NCKAP5L: variants seen among roughly 807,000 people sequenced by gnomAD.
NCKAP5L encodes NCK associated protein 5 like, also known as nck-associated protein 5-like.
NCKAP5L carries 54 observed loss-of-function variants against 103.2 expected under a neutral mutation model. That is an observed-to-expected ratio of 0.52 (90% confidence interval 0.42 to 0.66). The LOEUF (loss-of-function observed/expected upper bound fraction) is 0.66. NCKAP5L is among the 30% of genes least tolerant of loss of function. NCKAP5L has a pLI of 0.00. For missense variants in NCKAP5L, 1,733 were observed against 1,750.6 expected, an observed-to-expected ratio of 0.99 and a Z score of 0.18; for synonymous variants, 762 against 748.6, an observed-to-expected ratio of 1.02 and a Z score of -0.29.
At chr12:49,812,040 C>CT (rs1946245692) in intron 1 of NCKAP5L, among the ~76,000 whole-genome samples, 1 of 152,098 alleles carries the variant, frequency 6.6e-6, no homozygotes, top group African/African-American at 2.4e-5. Context: ...TTTTTTTAAG[C>CT]TTTGAGACAG....
intron 1 of NCKAP5L, among the ~76,000 whole-genome samples, chr12:49,806,266 A>C (rs1946178818): frequency 6.6e-6 from 1 of 152,178 alleles, no homozygotes; most frequent in Admixed American, 6.5e-5. Flanking sequence ...TGGAATGGGA[A>C]AGCATTTGGG....
Position 49,795,748 on chromosome 12 carries a change from A to G in NCKAP5L, c.2112T>C (p.Ser704=). The stretch of plus-strand genomic sequence containing the variant: ...GGATGGAGGGCACCATGTCTCCAGC[A>G]CTCTCCCCTGACTTCCCAGGTCCCC... The part of the protein sequence containing the change: ...KTRGPGKSGE[S]AGDMVPSIHR... Residue 704 remains serine (S), a synonymous_variant, in exon 8 of 13, where the codon AGT becomes AGC. Transcript: ENST00000335999. 6.3e-7 allele frequency: 1 copy of G among 1,597,986 alleles called. No homozygotes were observed. The highest frequency in any genetic ancestry group is 8.5e-7 in the Non-Finnish European group (1 of 1,173,050).
intron 10 of NCKAP5L, 96 bp from the exon 11 acceptor site, chr12:49,793,082 T>G (rs1034772016): frequency 1.3e-4 from 141 of 1,045,142 alleles, no homozygotes; most frequent in Non-Finnish European, 1.8e-4. Flanking sequence ...CCACCCTTAC[T>G]CAGGGCCCCT....
chr12:49,802,917 C>T, intron 5 of NCKAP5L, 41 bp downstream of exon 5: 1 of 1,594,892 alleles, frequency 6.3e-7, no homozygotes, highest in Admixed American at 1.7e-5. Flanking sequence ...GTCTCATCTG[C>T]TGTGCCCAGG....
At chr12:49,794,721 C>T in intron 8 of NCKAP5L, 44 bp downstream of exon 8, 1 of 1,402,024 alleles carries the variant, frequency 7.1e-7, no homozygotes. Flanking sequence ...GGGAAAAGTG[C>T]CCCAAGCCCA....
rs560921188 is a variant in NCKAP5L at position 49,808,007 on chromosome 12, T to C, written c.-98-1966A>G. Among the ~76,000 whole-genome samples, 7 of 152,328 alleles carry C rather than the reference T, an allele frequency of 4.6e-5. No homozygotes were observed. The South Asian group carries it at 1.5e-3, about 32-fold the overall frequency. On this transcript the variant is annotated intron_variant, in intron 1 of 12. Transcript: ENST00000335999. ...ACAAGAAAGCAACAACGAAACAATG[T>C]AGAGTATCTTTTCCCAAAATAATAA...
At chr12:49,810,432 C>T (rs1430914558) in intron 1 of NCKAP5L, among the ~76,000 whole-genome samples, 1 of 152,194 alleles carries the variant, frequency 6.6e-6, no homozygotes, top group Non-Finnish European at 1.5e-5. Flanking sequence ...CATTCCGTCT[C>T]CCCGAGATGA....
rs148660958 is a variant in NCKAP5L, at chr12:49,825,811, A to G, written c.-99+2511T>C. 2.8e-3 allele frequency among the ~76,000 whole-genome samples: 426 copies of G among 152,302 alleles called. 3 individuals are homozygous for G. Among genetic ancestry groups the G allele is most frequent in the Admixed American group, 5.9e-3 (90 of 15,310 alleles). On this transcript the variant is annotated intron_variant, in intron 1 of 12. Coordinates refer to ENST00000335999, the MANE Select transcript of NCKAP5L (RefSeq NM_001037806.4). Reference sequence around the variant, plus strand: ...TAACCCAGGGAGAATGTGCCCCTACATGAGCAAACCCAGGGCTTCCTTAAC... The same window carrying G: ...TAACCCAGGGAGAATGTGCCCCTACGTGAGCAAACCCAGGGCTTCCTTAAC...
chr12:49,793,755 G>T lies in NCKAP5L; in HGVS notation c.3237C>A (p.Gly1079=). Residue 1079 remains glycine, a synonymous_variant, in exon 9 of 13, where the codon GGC becomes GGA. Transcript: ENST00000335999. ...TTACCTTTCCAGGAGGTTTTCCGCAGCCCTGAAGAGGGCCCACCAGGCCAT... is the reference window on the plus strand; with the variant it reads ...TTACCTTTCCAGGAGGTTTTCCGCATCCCTGAAGAGGGCCCACCAGGCCAT... ...PRNGLVGPLQ[G]CGKPPGKPSS... 6.3e-7 allele frequency: 1 copy of T among 1,584,206 alleles called. No individual in the cohort carries two copies. Among genetic ancestry groups the T allele is most frequent in the South Asian group, 1.2e-5 (1 of 86,856 alleles).
intron 6 of NCKAP5L, 86 bp from the exon 7 acceptor site, chr12:49,798,549 T>C (rs1592750739): frequency 8.9e-7 from 1 of 1,124,852 alleles, no homozygotes; most frequent in Middle Eastern, 2.8e-4. Context: ...CCCCTCTGAG[T>C]CCGCTCCTTC....
chr12:49,798,167 A>G (rs1028122672), intron 7 of NCKAP5L, among the ~76,000 whole-genome samples, 183 bp downstream of exon 7: 4 of 152,220 alleles, frequency 2.6e-5, no homozygotes, highest in African/African-American at 7.2e-5. Context: ...CATGCCTCTT[A>G]ATGCATTACT....
chr12:49,820,602 A>G (rs1946351105), intron 1 of NCKAP5L, among the ~76,000 whole-genome samples: 1 of 152,180 alleles, frequency 6.6e-6, no homozygotes, highest in Non-Finnish European at 1.5e-5. Flanking sequence ...GGCGTGAGCC[A>G]CTGCACCCAG....
At position 49,792,270 on chromosome 12, in the gene NCKAP5L, T is replaced by C. The variant is rs1312219287; in HGVS notation, c.3792+176A>G. ...CAGAAACCTTTCCCCACGAGAGAAG[T>C]GCAAGGAGGGCAGTGGGGAGGGCCG... On this transcript the variant is annotated intron_variant, in intron 12 of 12. Transcript: ENST00000335999. This position sits in a 1 kb window ranked among gnomAD's most constrained non-coding sequence, Gnocchi z 4.5. 4 of 1,315,270 alleles carry C rather than the reference T, an allele frequency of 3.0e-6. No homozygotes were observed. Among genetic ancestry groups the C allele is most frequent in the African/African-American group, 1.5e-5 (1 of 68,528 alleles). The allele number at this position is 1,315,270 out of a possible 1,614,324, so 81.5% of individuals were successfully genotyped here.
chr12:49,819,808 C>T (rs1474102329), intron 1 of NCKAP5L, among the ~76,000 whole-genome samples: 2 of 152,198 alleles, frequency 1.3e-5, no homozygotes, highest in Non-Finnish European at 2.9e-5. Flanking sequence ...TAAGCTAAAG[C>T]TGAAACCGTT....
In NCKAP5L at chr12:49,793,647, T is replaced by C. The variant is rs543891149; in HGVS notation, c.3258+87A>G. On this transcript the variant is annotated intron_variant, in intron 9 of 12. Coordinates refer to ENST00000335999, the MANE Select transcript of NCKAP5L (RefSeq NM_001037806.4). ...TGAGTGCATCCGGCACTCATGGTCT[T>C]GGGGAAGGGGAACCCTCTAGGGGGT... The C allele has an allele frequency of 4.8e-4, 695 of 1,438,498 alleles. 1 individual carries two copies. In the African/African-American group the frequency reaches 9.2e-3, roughly 19 times the overall value. 89.1% of individuals were successfully genotyped at this position (1,438,498 alleles called of 1,614,324 possible).
At chr12:49,819,133 C>A (rs183142287) in intron 1 of NCKAP5L, among the ~76,000 whole-genome samples, 1 of 151,170 alleles carries the variant, frequency 6.6e-6, no homozygotes, top group East Asian at 2.0e-4. Flanking sequence ...GAGATCGAGA[C>A]CATTCCATCT....
intron 2 of NCKAP5L, chr12:49,805,667 A>T (rs1478719025): frequency 6.6e-6 from 1 of 152,112 alleles, no homozygotes; most frequent in Non-Finnish European, 1.5e-5. Flanking sequence ...TACGGCTAGG[A>T]GTTCAAGCCC....
rs1394781444 is a variant in NCKAP5L at position 49,796,643 on chromosome 12, A to T, written c.1217T>A (p.Leu406His). The T allele has an allele frequency of 6.3e-7, 1 of 1,585,432 alleles. No individual in the cohort carries two copies. Among genetic ancestry groups the T allele is most frequent in the African/African-American group, 1.4e-5 (1 of 73,844 alleles). Residue 406 changes from leucine (L) to histidine (H), a missense_variant, in exon 8 of 13, where the codon CTT (leucine) becomes CAT (histidine). Leu to His is a moderately conservative substitution (Grantham distance 99, BLOSUM62 -3). Transcript: ENST00000335999. ...ATCCCCAGCACCCATGAACATGCTA[A>T]GGAAGGGGAGGGGCCCCTGGCCCTC... ...TSEGQGPLPF[L>H]SMFMGAGDAP...
rs771372307 is a variant in NCKAP5L, at chr12:49,792,092, C to T, written c.3793-41G>A. On this transcript the variant is annotated intron_variant, in intron 12 of 12. Coordinates refer to ENST00000335999, the MANE Select transcript of NCKAP5L (RefSeq NM_001037806.4). This position sits in a 1 kb window ranked among gnomAD's most constrained non-coding sequence, Gnocchi z 4.5. ...CAGCTCGGGAGGAAGCTCCTCTCCACCTTTCGGCCCAGCCTCAGAGGCACT... is the reference window on the plus strand; with the variant it reads ...CAGCTCGGGAGGAAGCTCCTCTCCATCTTTCGGCCCAGCCTCAGAGGCACT... 2 of 1,461,280 alleles carry T rather than the reference C, an allele frequency of 1.4e-6. No homozygotes were observed. Among genetic ancestry groups the T allele is most frequent in the Non-Finnish European group, 1.8e-6 (2 of 1,105,264 alleles). The allele number at this position is 1,461,280 out of a possible 1,614,324, so 90.5% of individuals were successfully genotyped here. A position where few individuals can be genotyped will look rare whatever the true frequency, so the allele number is the denominator to read the frequency against.
Sources: allele counts gnomAD v4.1 joint callset (sites outside exome capture counted in the v4.1 genomes callset), GRCh38; gene constraint gnomAD v4.1.1; non-coding constraint Gnocchi (gnomAD v3.1); transcripts MANE v1.5; gene names NCBI Gene and HGNC (gene_info 2026-07-23, HGNC 2026-07-21).